Variants in TMPRSS13 observed in about 807,000 individuals in gnomAD.
TMPRSS13 encodes the protein transmembrane serine protease 13, also known as transmembrane protease serine 13.
A neutral mutation model predicts 68.4 loss-of-function variants in TMPRSS13; 50 were observed. That is an observed-to-expected ratio of 0.73 (90% CI 0.58 to 0.93). The LOEUF (loss-of-function observed/expected upper bound fraction) is 0.93, where lower values mean the gene tolerates loss of function less well. Among genes scored for constraint, TMPRSS13 ranks in the 40% least tolerant of loss-of-function variants. The pLI is 0.00. For synonymous variants in TMPRSS13, 267 were observed against 285.8 expected (o/e 0.93, Z 0.66); for missense variants, 615 against 729.2 (o/e 0.84, Z 1.80).
At chr11:117,923,413 G>A (rs1009264136) in intron 1 of TMPRSS13, among the ~76,000 whole-genome samples, 3 of 146,436 alleles carry the variant, frequency 2.0e-5, no homozygotes, top group African/African-American at 8.3e-5. Context: ...CCTTCTGGGG[G>A]CCCAGCCAGT....
chr11:117,910,423 A>C (rs2057510274), intron 7 of TMPRSS13: 1 of 452,290 alleles, frequency 2.2e-6, no homozygotes, highest in South Asian at 4.1e-5. Context: ...ATTGTTTCTA[A>C]ACATAGGAAG....
chr11:117,905,221 A>G (rs779325881), intron 10 of TMPRSS13, among the ~76,000 whole-genome samples: 11 of 151,718 alleles, frequency 7.3e-5, no homozygotes, highest in Non-Finnish European at 1.5e-4. Context: ...AAGGTTCCCA[A>G]TCATAACCCC....
At chr11:117,905,590 C>T in intron 10 of TMPRSS13, 48 bp downstream of exon 10, 1 of 1,456,010 alleles carries the variant, frequency 6.9e-7, no homozygotes, top group Non-Finnish European at 9.4e-7. Context: ...TGTATACACA[C>T]ACATGCACAT....
In TMPRSS13 at chr11:117,914,885, A is replaced by G. The variant is rs1565350004; in HGVS notation, c.557-371T>C. ...CAGTATCCCAGAGCTTCCCTCTCAG[A>G]ACCCCTCTGCCATCCCATCTTCTCT... On this transcript the variant is annotated intron_variant, in intron 3 of 12. Transcript: ENST00000524993. The surrounding 1 kb of genome is among the most constrained non-coding windows in gnomAD (Gnocchi z 4.2). 6.6e-6 allele frequency among the ~76,000 whole-genome samples: 1 copy of G among 152,146 alleles called. No homozygotes were observed. The highest frequency in any genetic ancestry group is 1.9e-4 in the East Asian group (1 of 5,182).
chr11:117,902,506 G>A (rs905021651), intron 12 of TMPRSS13, among the ~76,000 whole-genome samples: 45 of 152,332 alleles, frequency 3.0e-4, no homozygotes, highest in African/African-American at 1.0e-3. Flanking sequence ...GCAGAGAAGG[G>A]GAGGGCTGGC....
Position 117,918,512 on chromosome 11 carries a change from TG to T in TMPRSS13, c.347del (p.Pro116GlnfsTer104). 6.2e-7 allele frequency: 1 copy of T among 1,614,182 alleles called. No homozygotes were observed. The highest frequency in any genetic ancestry group is 8.5e-7 in the Non-Finnish European group (1 of 1,180,014). Reference sequence around the variant, plus strand: ...TTGCTCTAACAAGGTACACTCTGGTTGGGGAGGTTGTCACCGAGGCTGACCT... The same window carrying T: ...TTGCTCTAACAAGGTACACTCTGGTTGGGAGGTTGTCACCGAGGCTGACCT... Reference protein sequence around the residue: ...SARSASVTTSPTRVYLVRATP... With the variant: ...SARSASVTTSXTRVYLVRATP... On this transcript the variant is annotated frameshift_variant, in exon 2 of 13. Coordinates refer to ENST00000524993, the MANE Select transcript of TMPRSS13 (RefSeq NM_001077263.3). LOFTEE classifies it high-confidence loss of function.
rs1302665835 is a variant in TMPRSS13, at chr11:117,929,340, C to T, written c.-33G>A. 2 of 1,601,484 alleles carry T rather than the reference C, an allele frequency of 1.2e-6. No homozygotes were observed. The highest frequency in any genetic ancestry group is 8.5e-7 in the Non-Finnish European group (1 of 1,173,870). ...GAGGGGAAGAGTCCTCCAGGCTTAGCTGATGTCGAGGAGAAGATCCATCTT... is the reference window on the plus strand; with the variant it reads ...GAGGGGAAGAGTCCTCCAGGCTTAGTTGATGTCGAGGAGAAGATCCATCTT... On this transcript the variant is annotated 5_prime_UTR_variant, in exon 1 of 13. Coordinates refer to ENST00000524993, the MANE Select transcript of TMPRSS13 (RefSeq NM_001077263.3).
At chr11:117,903,338 G>A in intron 12 of TMPRSS13, 2 of 1,474,466 alleles carry the variant, frequency 1.4e-6, no homozygotes, top group Non-Finnish European at 1.8e-6. Flanking sequence ...TGCAGAAACT[G>A]AAACGTTTTC....
intron 9 of TMPRSS13, 152 bp downstream of exon 9, chr11:117,908,460 G>A (rs1242964600): frequency 1.3e-6 from 1 of 791,598 alleles, no homozygotes; most frequent in Admixed American, 2.6e-5. Context: ...TAAAACAGAA[G>A]TGTTCCATGT....
At chr11:117,909,627 C>T (rs551892361) in intron 8 of TMPRSS13, among the ~76,000 whole-genome samples, 179 bp downstream of exon 8, 1 of 152,338 alleles carries the variant, frequency 6.6e-6, no homozygotes, top group Non-Finnish European at 1.5e-5. Flanking sequence ...GGAACAAACA[C>T]CCCCGACCCA....
In TMPRSS13 at chr11:117,918,427, C is replaced by T. The variant is rs951031676; in HGVS notation, c.433G>A (p.Ala145Thr). 5.0e-6 allele frequency: 8 copies of T among 1,613,618 alleles called. No homozygotes were observed. Among genetic ancestry groups the T allele is most frequent in the African/African-American group, 4.0e-5 (3 of 75,050 alleles). The change falls in exon 2 of 13, where the codon GCC becomes ACC. Residue 145 changes from alanine (A) to threonine (T), a missense_variant. Coordinates refer to ENST00000524993, the MANE Select transcript of TMPRSS13 (RefSeq NM_001077263.3). ...CCCTTACCTGGGCTCTCCCTGGTGG[C>T]CCTGGTTGCTGGTGCTGACCTGGCA... Reference protein sequence around the residue: ...SPARSAPATRATRESPGTSLP... With the variant: ...SPARSAPATRTTRESPGTSLP...
chr11:117,911,712 C>G, intron 6 of TMPRSS13, 56 bp downstream of exon 6: 1 of 1,471,400 alleles, frequency 6.8e-7, no homozygotes. Flanking sequence ...CAAAGACCCT[C>G]TCCTACCCAC....
intron 1 of TMPRSS13, among the ~76,000 whole-genome samples, chr11:117,925,319 G>A (rs977601874): frequency 6.6e-6 from 1 of 152,208 alleles, no homozygotes; most frequent in Admixed American, 6.5e-5. Flanking sequence ...TCTAGTTTCC[G>A]ATGCCTCCTG....
rs1015830365 is a variant in TMPRSS13, at chr11:117,908,625, G to A, written c.1269C>T (p.Pro423=). ...AGATTCCCTCACCGGACAGGGTCAG[G>A]GGCTTGGACAGCCGCATGAGGGCGA... ...YDIALMRLSK[P]LTLSAHIHPA... The change falls in exon 9 of 13, where the codon CCC becomes CCT. Residue 423 remains proline (P), a synonymous_variant. Transcript: ENST00000524993. 6.4e-7 allele frequency: 1 copy of A among 1,565,008 alleles called. No homozygotes were observed. Among genetic ancestry groups the A allele is most frequent in the South Asian group, 1.2e-5 (1 of 84,984 alleles).
chr11:117,902,280 G>A lies in TMPRSS13; in HGVS notation c.1678-15C>T, dbSNP rs746380845. ...CGCACCTCGCTCTGAGGAAGAGAAT[G>A]GGAGAAGAGGGTGAGGGTGGGCCAG... On this transcript the variant is annotated splice_polypyrimidine_tract_variant and intron_variant, in intron 12 of 12. Coordinates refer to ENST00000524993, the MANE Select transcript of TMPRSS13 (RefSeq NM_001077263.3). 3 of 1,613,364 alleles carry A rather than the reference G, an allele frequency of 1.9e-6. No individual in the cohort carries two copies. In the African/African-American group the frequency reaches 4.0e-5, roughly 22 times the overall value.
chr11:117,909,925 C>A lies in TMPRSS13; in HGVS notation c.990G>T (p.Ala330=). ...RAMTGRIVGG[A]LASDSKWPWQ... is the part of the protein sequence containing the mutation. ...AAGGCCACTTGCTATCCGAGGCCAG[C>A]GCCCCTCCCACGATCCGCCCGGTCA... Residue 330 remains alanine (A), a synonymous_variant, in exon 8 of 13, where the codon GCG becomes GCT. Transcript: ENST00000524993. 6.2e-7 allele frequency: 1 copy of A among 1,614,146 alleles called. No homozygotes were observed. The highest frequency in any genetic ancestry group is 8.5e-7 in the Non-Finnish European group (1 of 1,180,012).
chr11:117,911,052 G>A (rs548676539), intron 6 of TMPRSS13, among the ~76,000 whole-genome samples: 1 of 152,138 alleles, frequency 6.6e-6, no homozygotes, highest in Non-Finnish European at 1.5e-5. Flanking sequence ...CTTCATTGTC[G>A]CAGCATCTTT....
Position 117,918,737 on chromosome 11 carries a change from T to C in TMPRSS13, c.123A>G (p.Pro41=). 1 of 1,610,508 alleles carries C rather than the reference T, an allele frequency of 6.2e-7. No individual in the cohort carries two copies. Among genetic ancestry groups the C allele is most frequent in the Non-Finnish European group, 8.5e-7 (1 of 1,179,102 alleles). The part of the protein sequence containing the change: ...PGRASPAQAS[P]AQASPAGTPP... ...GTGTCCCAGCTGGAGATGCCTGGGC[T>C]GGAGATGCCTGGGCTGGAGATGCCC... Residue 41 remains proline (P), a synonymous_variant, in exon 2 of 13, where the codon CCA becomes CCG. Transcript: ENST00000524993.
intron 6 of TMPRSS13, 35 bp from the exon 7 acceptor site, chr11:117,910,785 A>C (rs754010955): frequency 6.3e-7 from 1 of 1,586,818 alleles, no homozygotes; most frequent in Non-Finnish European, 8.6e-7. Flanking sequence ...GGAAAAGGGC[A>C]CATTAGCTAC....
Sources: allele counts gnomAD v4.1 joint callset (sites outside exome capture counted in the v4.1 genomes callset), GRCh38; gene constraint gnomAD v4.1.1; non-coding constraint Gnocchi (gnomAD v3.1); transcripts MANE v1.5; gene names NCBI Gene and HGNC (gene_info 2026-07-23, HGNC 2026-07-21).